Variants in KAZN observed in about 807,000 individuals in gnomAD.
KAZN encodes kazrin.
A neutral mutation model predicts 87.4 loss-of-function variants in KAZN; 40 were observed. That is an observed-to-expected ratio of 0.46 (90% CI 0.36 to 0.60). The LOEUF is 0.60. KAZN is among the 20% of genes least tolerant of loss of function. KAZN has a pLI of 0.00. For missense variants in KAZN, 898 were observed against 1,073.9 expected (o/e 0.84, Z 2.29); for synonymous variants, 466 against 458.3 (o/e 1.02, Z -0.22).
chr1:14,550,862 C>T (rs1209930467), intron 2 of KAZN, among the ~76,000 whole-genome samples: 8 of 150,122 alleles, frequency 5.3e-5, no homozygotes, highest in African/African-American at 2.0e-4. Context: ...TCCTCCCTTC[C>T]CATACCCAAT....
At chr1:13,914,870 G>A (rs1374066783) in intron 1 of KAZN, among the ~76,000 whole-genome samples, 2 of 152,210 alleles carry the variant, frequency 1.3e-5, no homozygotes, top group African/African-American at 2.4e-5. Context: ...CACAGTCTGA[G>A]TGAGCTTGGA....
At chr1:14,494,204 G>T (rs1669823056) in intron 2 of KAZN, among the ~76,000 whole-genome samples, 1 of 152,196 alleles carries the variant, frequency 6.6e-6, no homozygotes, top group South Asian at 2.1e-4. Context: ...TGTCCCCATA[G>T]ATGATAGAAT....
At chr1:14,646,749 T>G (rs74058927) in intron 1 of KAZN, among the ~76,000 whole-genome samples, 18,878 of 152,250 alleles carry the variant, frequency 0.12, 3,453 homozygotes, top group African/African-American at 0.4. Context: ...TGGTTGAGAA[T>G]CACTGGCTAG....
chr1:14,346,253 G>A (rs1658098854), intron 2 of KAZN, among the ~76,000 whole-genome samples: 1 of 152,166 alleles, frequency 6.6e-6, no homozygotes, highest in Admixed American at 6.5e-5. Flanking sequence ...TCTGCCCCAG[G>A]AAGAAGAAGA....
At chr1:14,821,486 CAGCCAGGG>C in intron 1 of KAZN, among the ~76,000 whole-genome samples, 1 of 150,666 alleles carries the variant, frequency 6.6e-6, no homozygotes, top group East Asian at 1.9e-4. Context: ...CACTGCACTC[CAGCCAGGG>C]TGACTGAGAC....
At position 14,896,097 on chromosome 1, in the gene KAZN, T is replaced by C. The variant is rs530877739; in HGVS notation, c.227-64587T>C. On this transcript the variant is annotated intron_variant, in intron 1 of 14. Coordinates refer to ENST00000376030, the MANE Select transcript of KAZN (RefSeq NM_201628.3). ...TGGACACAGATTCTTGCTCTGTTGCTAGGCTGGAGTGGAATGGTGCAATCT... is the reference window on the plus strand; with the variant it reads ...TGGACACAGATTCTTGCTCTGTTGCCAGGCTGGAGTGGAATGGTGCAATCT... 3.4e-5 allele frequency among the ~76,000 whole-genome samples: 5 copies of C among 148,942 alleles called. No individual in the cohort carries two copies. In the East Asian group the frequency reaches 1.0e-3, roughly 30 times the overall value.
chr1:14,013,098 C>T (rs548040098), intron 1 of KAZN, among the ~76,000 whole-genome samples: 2 of 152,136 alleles, frequency 1.3e-5, no homozygotes, highest in East Asian at 3.9e-4. Context: ...CATCTGTGCA[C>T]CCCTGAGTCC....
intron 1 of KAZN, among the ~76,000 whole-genome samples, chr1:14,672,446 A>G (rs998698804): frequency 6.6e-6 from 1 of 152,198 alleles, no homozygotes; most frequent in Non-Finnish European, 1.5e-5. Context: ...CGACAGGTCA[A>G]TTCCATAACA....
intron 1 of KAZN, among the ~76,000 whole-genome samples, chr1:14,749,685 T>A (rs552121235): frequency 2.8e-4 from 42 of 152,298 alleles, no homozygotes; most frequent in Admixed American, 2.1e-3. Context: ...GCTCAGGACC[T>A]GTGCGTCCTC....
At chr1:14,386,381 G>T (rs1367476905) in intron 2 of KAZN, among the ~76,000 whole-genome samples, 1 of 151,136 alleles carries the variant, frequency 6.6e-6, no homozygotes, top group Non-Finnish European at 1.5e-5. Flanking sequence ...TATTTTGCTC[G>T]TTAGTTGATG....
intron 13 of KAZN, among the ~76,000 whole-genome samples, chr1:15,110,684 C>T (rs1354806821): frequency 2.0e-5 from 3 of 152,222 alleles, no homozygotes; most frequent in Non-Finnish European, 4.4e-5. Context: ...AGGCTGCTGA[C>T]GTGGAGCCCA....
In KAZN at chr1:14,496,429, C is replaced by T. The variant is rs549592681; in HGVS notation, c.250-102554C>T. Among the ~76,000 whole-genome samples, 5 of 152,176 alleles carry T rather than the reference C, an allele frequency of 3.3e-5. No individual in the cohort carries two copies. The South Asian group carries it at 6.2e-4, about 19-fold the overall frequency. ...ATATAAAAATTGATATTCATAGACT[C>T]GTTAACCACAGTGTTAGGGGGCTAG... is the stretch of plus-strand genomic sequence containing the variant. On this transcript the variant is annotated intron_variant, in intron 2 of 16. Coordinates refer to the KAZN transcript ENST00000636203.
At chr1:14,535,400 G>A (rs1310821923) in intron 2 of KAZN, among the ~76,000 whole-genome samples, 1 of 152,230 alleles carries the variant, frequency 6.6e-6, no homozygotes, top group Non-Finnish European at 1.5e-5. Flanking sequence ...GGTGTGGTGG[G>A]CTCACGCCTG....
chr1:14,905,836 C>T (rs1656469017), intron 1 of KAZN, among the ~76,000 whole-genome samples: 1 of 135,092 alleles, frequency 7.4e-6, no homozygotes, highest in Non-Finnish European at 1.6e-5. Context: ...CTGTGAGACT[C>T]CGTCTCAAAA....
intron 1 of KAZN, among the ~76,000 whole-genome samples, chr1:14,151,764 C>T (rs1344088269): frequency 1.3e-5 from 2 of 152,198 alleles, no homozygotes; most frequent in African/African-American, 4.8e-5. Context: ...GGGCCTTTGG[C>T]CATCCCTCAT....
Position 14,269,248 on chromosome 1 carries a change from G to A in KAZN, c.249+88656G>A, listed in dbSNP as rs1053898686. Among the ~76,000 whole-genome samples the A allele has an allele frequency of 6.6e-5, 10 of 152,044 alleles. No individual in the cohort carries two copies. In the East Asian group the frequency reaches 1.7e-3, roughly 26 times the overall value. On this transcript the variant is annotated intron_variant, in intron 2 of 16. Transcript: ENST00000636203. The stretch of plus-strand genomic sequence containing the variant: ...TAAACAGATACACAATGTATCTGTA[G>A]CATTAAAATTTCGTGGGATGGGTGG...
chr1:14,694,833 C>T (rs765622976), intron 1 of KAZN, among the ~76,000 whole-genome samples: 1 of 152,144 alleles, frequency 6.6e-6, no homozygotes, highest in Non-Finnish European at 1.5e-5. Context: ...AAGAGGCATT[C>T]GGTAATTGTT....
intron 7 of KAZN, among the ~76,000 whole-genome samples, chr1:15,065,346 C>A (rs988632453): frequency 4.6e-5 from 7 of 152,094 alleles, no homozygotes; most frequent in African/African-American, 1.2e-4. Context: ...GGGTCTTTAT[C>A]CTCTCTTTAG....
intron 2 of KAZN, among the ~76,000 whole-genome samples, chr1:14,550,740 C>CCTCTCT (rs1557793842): frequency 2.5e-5 from 1 of 40,564 alleles, no homozygotes; most frequent in East Asian, 9.3e-4. Flanking sequence ...TCTCTCTCTC[C>CCTCTCT]CCCACCCCGC....
Sources: allele counts gnomAD v4.1 joint callset (sites outside exome capture counted in the v4.1 genomes callset), GRCh38; gene constraint gnomAD v4.1.1; transcripts MANE v1.5; gene names NCBI Gene and HGNC (gene_info 2026-07-23, HGNC 2026-07-21).